LIPH: variants seen among roughly 807,000 people sequenced by gnomAD.
LIPH encodes lipase member H.
Under a neutral mutation model 47.6 loss-of-function variants are expected in LIPH, and 32 were observed. The observed-to-expected ratio is 0.67, with a 90% CI of 0.51 to 0.90. The LOEUF is 0.90. LIPH is among the 40% of genes least tolerant of loss of function. The pLI, the probability that LIPH is intolerant of heterozygous loss-of-function variation, is 0.00. For synonymous variants in LIPH, 190 were observed against 195.6 expected (o/e 0.97, Z 0.24); for missense variants, 497 against 541.4 (o/e 0.92, Z 0.81).
At chr3:185,524,017 C>T in intron 5 of LIPH, 54 bp downstream of exon 5, 1 of 1,252,068 alleles carries the variant, frequency 8.0e-7, no homozygotes, top group Non-Finnish European at 1.2e-6. Flanking sequence ...CCACCATGCA[C>T]AGCCTCCAAA....
chr3:185,533,396 A>G (rs770780419), intron 3 of LIPH, among the ~76,000 whole-genome samples, 175 bp downstream of exon 3: 11 of 152,312 alleles, frequency 7.2e-5, no homozygotes, highest in Middle Eastern at 3.4e-3. Context: ...TTATTACATA[A>G]TAGCCTGAGG....
intron 4 of LIPH, 72 bp downstream of exon 4, chr3:185,527,412 G>A (rs1720141312): frequency 9.6e-7 from 1 of 1,044,702 alleles, no homozygotes; most frequent in Non-Finnish European, 1.5e-6. Flanking sequence ...GCTCCTACAT[G>A]ATTATCTCTC....
intron 3 of LIPH, among the ~76,000 whole-genome samples, chr3:185,530,053 G>T (rs1720288179): frequency 6.6e-6 from 1 of 152,218 alleles, no homozygotes; most frequent in South Asian, 2.1e-4. Context: ...AGCTACTTGA[G>T]GTGGTGGGGA....
chr3:185,529,890 A>G (rs1341473865), intron 3 of LIPH, among the ~76,000 whole-genome samples: 1 of 150,196 alleles, frequency 6.7e-6, no homozygotes, highest in Non-Finnish European at 1.5e-5. Flanking sequence ...CAAGAGAGAG[A>G]GAGAAAGAGA....
intron 1 of LIPH, among the ~76,000 whole-genome samples, chr3:185,539,313 T>C (rs1044847036): frequency 6.6e-6 from 1 of 151,956 alleles, no homozygotes; most frequent in Non-Finnish European, 1.5e-5. Flanking sequence ...TGTCAGCATT[T>C]GCCTACTGTG....
At chr3:185,511,789 C>A in intron 8 of LIPH, 92 bp from the exon 9 acceptor site, 16 of 826,392 alleles carry the variant, frequency 1.9e-5, no homozygotes, top group Non-Finnish European at 3.3e-5. Context: ...AAGCTGGTAA[C>A]TATTTCACCC....
intron 3 of LIPH, among the ~76,000 whole-genome samples, chr3:185,529,912 A>G (rs1287477563): frequency 2.7e-5 from 1 of 36,618 alleles, no homozygotes; most frequent in Non-Finnish European, 6.5e-5. Context: ...AAAGAAAAGA[A>G]AGAAAGAAAG....
intron 8 of LIPH, 137 bp downstream of exon 8, chr3:185,514,273 G>C (rs1211651675): frequency 1.5e-6 from 1 of 661,546 alleles, no homozygotes; most frequent in African/African-American, 1.8e-5. Flanking sequence ...AAGCAACTAA[G>C]CAATAGTTCC....
In LIPH at chr3:185,534,901, C is replaced by A. The variant is rs1311817000; in HGVS notation, c.281G>T (p.Gly94Val). ...GTTCATGTCTTCAACAGAGAGCAAACCCTTTACTAAGTCATCCATCCAAAC... is the reference window on the plus strand; with the variant it reads ...GTTCATGTCTTCAACAGAGAGCAAAACCTTTACTAAGTCATCCATCCAAAC... Reference protein sequence around the residue: ...PPVWMDDLVKGLLSVEDMNVV... With the variant: ...PPVWMDDLVKVLLSVEDMNVV... Residue 94 changes from glycine to valine, a missense_variant, in exon 2 of 10, where the codon GGT becomes GTT. Transcript: ENST00000296252. The A allele has an allele frequency of 2.5e-6, 4 of 1,614,068 alleles. No homozygotes were observed. Among genetic ancestry groups the A allele is most frequent in the Non-Finnish European group, 3.4e-6 (4 of 1,180,044 alleles).
At chr3:185,543,873 G>A (rs1383853414) in intron 1 of LIPH, among the ~76,000 whole-genome samples, 14 of 127,060 alleles carry the variant, frequency 1.1e-4, no homozygotes, top group Admixed American at 8.0e-5. Context: ...TTTGATGCAC[G>A]GTTTCTCACT....
intron 1 of LIPH, among the ~76,000 whole-genome samples, chr3:185,547,697 A>T (rs965951003): frequency 5.9e-5 from 9 of 151,922 alleles, no homozygotes; most frequent in Non-Finnish European, 1.3e-4. Flanking sequence ...GGTGGCAGGC[A>T]CCTGTAATCC....
In LIPH at chr3:185,527,484, C is replaced by T. The variant is rs758071520; in HGVS notation, c.628G>A (p.Ala210Thr). Residue 210 changes from alanine (A) to threonine (T), a missense_variant and splice_region_variant, in exon 4 of 10, where the codon GCA becomes ACA. Transcript: ENST00000296252. ...TGACCCACAAGGAAAGGAGCGTTACCATCAGTGTCGGAATGGATGACATCA... is the reference window on the plus strand; with the variant it reads ...TGACCCACAAGGAAAGGAGCGTTACTATCAGTGTCGGAATGGATGACATCA... ...FVDVIHSDTD[A>T]LGYKEPLGNI... 3 of 1,604,134 alleles carry T rather than the reference C, an allele frequency of 1.9e-6. No individual in the cohort carries two copies. Among genetic ancestry groups the T allele is most frequent in the Non-Finnish European group, 2.6e-6 (3 of 1,171,694 alleles).
At chr3:185,535,231 C>T in intron 1 of LIPH, 99 bp from the exon 2 acceptor site, 1 of 1,365,956 alleles carries the variant, frequency 7.3e-7, no homozygotes, top group South Asian at 1.2e-5. Context: ...TCTTATGTTC[C>T]TGATAGGACC....
intron 1 of LIPH, chr3:185,546,856 C>A (rs1417258223): frequency 4.6e-6 from 2 of 431,054 alleles, no homozygotes; most frequent in Non-Finnish European, 9.1e-6. Flanking sequence ...CAGCTACACA[C>A]TCAGCTCTGG....
intron 1 of LIPH, among the ~76,000 whole-genome samples, chr3:185,544,424 G>A (rs550211081): frequency 1.7e-4 from 26 of 151,598 alleles, no homozygotes; most frequent in African/African-American, 3.4e-4. Context: ...TGTGATCTCC[G>A]CTCACTGCAA....
rs763416334 is a variant in LIPH, at chr3:185,524,065, G to T, written c.718+6C>A. 7 of 1,601,378 alleles carry T rather than the reference G, an allele frequency of 4.4e-6. No individual in the cohort carries two copies. The highest frequency in any genetic ancestry group is 6.0e-6 in the Non-Finnish European group (7 of 1,168,494). On this transcript the variant is annotated splice_donor_region_variant and intron_variant, in intron 5 of 9. Coordinates refer to ENST00000296252, the MANE Select transcript of LIPH (RefSeq NM_139248.3). Reference sequence around the variant, plus strand: ...TACCACTATTTTACAAAATATAAAGGCTTACCTCCCAATATTGTTTTGGGG... The same window carrying T: ...TACCACTATTTTACAAAATATAAAGTCTTACCTCCCAATATTGTTTTGGGG...
intron 9 of LIPH, 95 bp downstream of exon 9, chr3:185,511,427 AAT>A: frequency 8.8e-7 from 1 of 1,130,902 alleles, no homozygotes; most frequent in Non-Finnish European, 1.3e-6. Flanking sequence ...CATTGTGAAT[AAT>A]AGAGTCTTAT....
rs1719448040 is a variant in LIPH, at chr3:185,508,433, T to G, written c.*357A>C. ...GTTGAGTCCACGGTGAGGCCTCCAG[T>G]CCGTCCTTCCCTTGAAGATGCTTGA... is the stretch of plus-strand genomic sequence containing the variant. On this transcript the variant is annotated 3_prime_UTR_variant, in exon 10 of 10. Coordinates refer to ENST00000296252, the MANE Select transcript of LIPH (RefSeq NM_139248.3). The G allele has an allele frequency of 3.3e-6, 1 of 303,846 alleles. No homozygotes were observed. The highest frequency in any genetic ancestry group is 4.3e-5 in the Admixed American group (1 of 23,114). The allele number at this position is 303,846 out of a possible 1,614,324, so 18.8% of individuals were successfully genotyped here. A position where few individuals can be genotyped will look rare whatever the true frequency, so the allele number is the denominator to read the frequency against.
chr3:185,534,682 C>A, intron 2 of LIPH, 83 bp downstream of exon 2: 1 of 1,430,076 alleles, frequency 7.0e-7, no homozygotes. Context: ...CTCCTGCTCA[C>A]TGTAGCTATC....
Sources: gnomAD v4.1 joint callset for allele counts (sites outside exome capture counted in the v4.1 genomes callset) on GRCh38, gnomAD v4.1.1 for gene constraint, MANE v1.5 for transcripts, NCBI Gene and HGNC (gene_info 2026-07-23, HGNC 2026-07-21) for gene names.